The following VIPR2 variants were observed in gnomAD, a reference collection of about 807,000 sequenced individuals.
VIPR2 encodes the protein vasoactive intestinal polypeptide receptor 2.
VIPR2 carries 48 observed loss-of-function variants against 58.0 expected under a neutral mutation model. The ratio of observed to expected loss-of-function variants is 0.83; its 90% CI spans 0.66 to 1.05. The LOEUF (loss-of-function observed/expected upper bound fraction) is 1.05, where lower values mean the gene tolerates loss of function less well. VIPR2 is among the 50% of genes least tolerant of loss of function. VIPR2 has a pLI of 0.00. For synonymous variants in VIPR2, 243 were observed against 235.2 expected (o/e 1.03, Z -0.30); for missense variants, 534 against 558.0 (o/e 0.96, Z 0.43).
chr7:159,072,464 A>G, intron 4 of VIPR2, among the ~76,000 whole-genome samples: 1 of 152,270 alleles, frequency 6.6e-6, no homozygotes, highest in East Asian at 1.9e-4. Flanking sequence ...GCATAATTAG[A>G]GCCTTAAATA....
chr7:159,050,847 A>G (rs1262358755), intron 5 of VIPR2, among the ~76,000 whole-genome samples: 1 of 152,220 alleles, frequency 6.6e-6, no homozygotes, highest in Admixed American at 6.5e-5. Context: ...TGTAACTGCT[A>G]AAAACTGAAA....
intron 3 of VIPR2, among the ~76,000 whole-genome samples, chr7:159,104,084 T>C (rs1858472772): frequency 6.6e-6 from 1 of 152,180 alleles, no homozygotes; most frequent in Non-Finnish European, 1.5e-5. Context: ...GTGAACGCAC[T>C]GTGTCATAAG....
At chr7:159,122,711 T>C (rs1013110570) in intron 2 of VIPR2, among the ~76,000 whole-genome samples, 1 of 110,836 alleles carries the variant, frequency 9.0e-6, no homozygotes, top group Non-Finnish European at 2.1e-5. Flanking sequence ...AATGCAGATG[T>C]AACAGAGTTT....
chr7:159,099,423 G>C lies in VIPR2; in HGVS notation c.357+4334C>G, dbSNP rs1419048216. Among the ~76,000 whole-genome samples, 1 of 152,158 alleles carries C rather than the reference G, an allele frequency of 6.6e-6. No individual in the cohort carries two copies. Among genetic ancestry groups the C allele is most frequent in the Non-Finnish European group, 1.5e-5 (1 of 68,032 alleles). On this transcript the variant is annotated intron_variant, in intron 4 of 12. Transcript: ENST00000262178. This position sits in a 1 kb window ranked among gnomAD's most constrained non-coding sequence, Gnocchi z 4.2. ...ATGCCTCACAGGGTGTGCCCAGGAGGAGACAGGAGATAAGGAGCTTGGGCA... is the reference window on the plus strand; with the variant it reads ...ATGCCTCACAGGGTGTGCCCAGGAGCAGACAGGAGATAAGGAGCTTGGGCA...
chr7:159,034,171 G>C (rs769417493), intron 10 of VIPR2, 42 bp downstream of exon 10: 2 of 1,599,458 alleles, frequency 1.3e-6, no homozygotes, highest in Admixed American at 3.3e-5. Context: ...GTCTCCACAC[G>C]GCATCCCCAT....
intron 3 of VIPR2, among the ~76,000 whole-genome samples, chr7:159,109,590 C>T (rs1795909690): frequency 6.6e-6 from 1 of 152,184 alleles, no homozygotes; most frequent in Non-Finnish European, 1.5e-5. Context: ...CTGGTTCTTT[C>T]CCTGTAGTTG....
intron 5 of VIPR2, among the ~76,000 whole-genome samples, chr7:159,046,247 A>G (rs1304363414): frequency 6.6e-6 from 1 of 152,220 alleles, no homozygotes; most frequent in Non-Finnish European, 1.5e-5. Context: ...ACAAGTTTTC[A>G]AACAAAACGT....
At position 159,030,755 on chromosome 7, in the gene VIPR2, C is replaced by G. The variant is rs769156510; in HGVS notation, c.1178G>C (p.Arg393Pro). Residue 393 changes from arginine (R) to proline (P), a missense_variant, in exon 13 of 13, where the codon CGG (arginine) becomes CCG (proline). By Grantham distance (103) the Arg-to-Pro change is moderately radical. Coordinates refer to ENST00000262178, the MANE Select transcript of VIPR2 (RefSeq NM_003382.5). ...CCGGCTCGCGGACGGGGTCGGGCAC[C>G]GGCTTCGCCATTTTCGCTTCAGCTC... ...QCELKRKWRS[R>P]CPTPSASRDY... is the part of the protein sequence containing the mutation. The G allele has an allele frequency of 5.7e-6, 9 of 1,591,166 alleles. No homozygotes were observed. The African/African-American group carries it at 1.2e-4, about 21-fold the overall frequency.
chr7:159,055,991 C>T (rs1855305617), intron 5 of VIPR2, among the ~76,000 whole-genome samples: 1 of 152,216 alleles, frequency 6.6e-6, no homozygotes, highest in South Asian at 2.1e-4. Context: ...CTGACAGTGA[C>T]AGAGGTGCAG....
intron 2 of VIPR2, among the ~76,000 whole-genome samples, chr7:159,136,083 C>A (rs1463598908): frequency 6.6e-6 from 1 of 152,144 alleles, no homozygotes; most frequent in African/African-American, 2.4e-5. Context: ...TTGCTTATAA[C>A]AACATACCGG....
chr7:159,107,445 C>A lies in VIPR2; in HGVS notation c.259+2367G>T, dbSNP rs754446553. 1.2e-3 allele frequency among the ~76,000 whole-genome samples: 182 copies of A among 152,314 alleles called. 1 individual carries two copies. The highest frequency in any genetic ancestry group is 1.4e-3 in the Non-Finnish European group (96 of 68,016). The stretch of plus-strand genomic sequence containing the variant: ...CCCTGGCTCCCTGCTTCCTTTGTTC[C>A]CCTCTATGCAGACAGTTGGCTCATT... On this transcript the variant is annotated intron_variant, in intron 3 of 12. Coordinates refer to ENST00000262178, the MANE Select transcript of VIPR2 (RefSeq NM_003382.5).
chr7:159,070,692 G>C (rs1367665709), intron 4 of VIPR2, among the ~76,000 whole-genome samples: 1 of 152,224 alleles, frequency 6.6e-6, no homozygotes, highest in Non-Finnish European at 1.5e-5. Flanking sequence ...TAGAAAGTGA[G>C]ATGAATATGA....
At chr7:159,064,674 GCTGA>G (rs932817773) in intron 4 of VIPR2, among the ~76,000 whole-genome samples, 2 of 152,174 alleles carry the variant, frequency 1.3e-5, no homozygotes, top group East Asian at 1.9e-4. Flanking sequence ...AGCAGTCGGT[GCTGA>G]CTGAGTCCTG....
At chr7:159,115,795 G>A (rs1441780637) in intron 2 of VIPR2, among the ~76,000 whole-genome samples, 2 of 152,270 alleles carry the variant, frequency 1.3e-5, no homozygotes, top group African/African-American at 4.8e-5. Context: ...CAAAGCTGGT[G>A]TCCGAGCTGC....
At chr7:159,091,479 A>T (rs976068352) in intron 4 of VIPR2, among the ~76,000 whole-genome samples, 1 of 152,240 alleles carries the variant, frequency 6.6e-6, no homozygotes, top group African/African-American at 2.4e-5. Flanking sequence ...TGATGATGAA[A>T]GGAATTTTTA....
chr7:159,076,188 A>G (rs1262555827), intron 4 of VIPR2, among the ~76,000 whole-genome samples: 1 of 152,232 alleles, frequency 6.6e-6, no homozygotes, highest in Non-Finnish European at 1.5e-5. Flanking sequence ...TAAACTTAAA[A>G]AAGGATAATT....
intron 5 of VIPR2, among the ~76,000 whole-genome samples, chr7:159,043,578 G>A (rs1013994111): frequency 6.6e-6 from 1 of 152,272 alleles, no homozygotes; most frequent in Non-Finnish European, 1.5e-5. Context: ...CCAACCAAGT[G>A]AACGCTTAGC....
intron 7 of VIPR2, 138 bp downstream of exon 7, chr7:159,036,614 C>CA: frequency 8.7e-7 from 1 of 1,150,596 alleles, no homozygotes; most frequent in Non-Finnish European, 1.2e-6. Flanking sequence ...TCCAGTCATC[C>CA]TGGAAGAGCT....
chr7:159,143,491 G>A (rs1486055336), intron 1 of VIPR2, among the ~76,000 whole-genome samples: 1 of 152,206 alleles, frequency 6.6e-6, no homozygotes, highest in Non-Finnish European at 1.5e-5. Flanking sequence ...GTCAATGAGA[G>A]TTCCAACCAG....
Sources: allele counts gnomAD v4.1 joint callset (sites outside exome capture counted in the v4.1 genomes callset), GRCh38; gene constraint gnomAD v4.1.1; non-coding constraint Gnocchi (gnomAD v3.1); transcripts MANE v1.5; gene names NCBI Gene and HGNC (gene_info 2026-07-23, HGNC 2026-07-21).